The following CSMD1 variants were observed in gnomAD, a reference collection of about 807,000 sequenced individuals.
CSMD1 encodes CUB and sushi domain-containing protein 1.
Under a neutral mutation model 417.5 loss-of-function variants are expected in CSMD1, and 213 were observed. The observed-to-expected ratio is 0.51, with a 90% confidence interval of 0.46 to 0.57. The LOEUF (loss-of-function observed/expected upper bound fraction) is 0.57, where lower values mean the gene tolerates loss of function less well. Ranked by LOEUF, CSMD1 falls within the 20% of genes least tolerant of loss-of-function variation. The pLI is 0.00. For missense variants in CSMD1, 6,923 were observed against 4,529.7 expected (o/e 1.53, Z -15.17); for synonymous variants, 2,862 against 1,736.8 (o/e 1.65, Z -16.11).
At chr8:3,597,154 G>C (rs553354002) in intron 8 of CSMD1, among the ~76,000 whole-genome samples, 1 of 152,154 alleles carries the variant, frequency 6.6e-6, no homozygotes, top group Non-Finnish European at 1.5e-5. Context: ...CAAAATCAGA[G>C]GGAATCAATG....
chr8:4,834,143 A>G (rs1466495047), intron 1 of CSMD1, among the ~76,000 whole-genome samples: 1 of 152,210 alleles, frequency 6.6e-6, no homozygotes. Flanking sequence ...TTAAACACCT[A>G]ATTCATACAG....
intron 5 of CSMD1, among the ~76,000 whole-genome samples, chr8:3,912,103 G>T (rs1428969117): frequency 6.6e-6 from 1 of 152,018 alleles, no homozygotes; most frequent in African/African-American, 2.4e-5. Context: ...AAATATAACA[G>T]CTTGTCCAAT....
chr8:4,228,949 G>C (rs777154541), intron 3 of CSMD1, among the ~76,000 whole-genome samples: 1 of 152,198 alleles, frequency 6.6e-6, no homozygotes, highest in East Asian at 1.9e-4. Context: ...TTACAGGAGT[G>C]AGCCACTGAG....
At chr8:3,495,519 T>A (rs1278521631) in intron 10 of CSMD1, among the ~76,000 whole-genome samples, 1 of 152,204 alleles carries the variant, frequency 6.6e-6, no homozygotes, top group African/African-American at 2.4e-5. Flanking sequence ...TGTCAGTATT[T>A]CATCTCAACA....
At chr8:4,035,534 A>C (rs973156621) in intron 3 of CSMD1, among the ~76,000 whole-genome samples, 5 of 152,132 alleles carry the variant, frequency 3.3e-5, no homozygotes, top group Admixed American at 3.3e-4. Flanking sequence ...ACAAGACGTC[A>C]AGGTGGAAGA....
chr8:3,189,885 G>A (rs1017609716), intron 34 of CSMD1, 27 bp downstream of exon 34: 2 of 1,544,128 alleles, frequency 1.3e-6, no homozygotes, highest in African/African-American at 1.4e-5. Flanking sequence ...GAGTTCTGGC[G>A]GGCAGCCGCT....
chr8:3,253,594 C>T (rs917089246), intron 26 of CSMD1, among the ~76,000 whole-genome samples: 1 of 152,108 alleles, frequency 6.6e-6, no homozygotes, highest in South Asian at 2.1e-4. Context: ...TTTTAACTTC[C>T]TGTCTCATTG....
At chr8:4,479,718 A>T (rs934113603) in intron 2 of CSMD1, among the ~76,000 whole-genome samples, 5 of 151,866 alleles carry the variant, frequency 3.3e-5, no homozygotes, top group African/African-American at 4.8e-5. Context: ...ACATGGTGAA[A>T]CCCCGTCTCT....
At chr8:4,644,273 G>C (rs1240570562) in intron 1 of CSMD1, among the ~76,000 whole-genome samples, 2 of 152,144 alleles carry the variant, frequency 1.3e-5, no homozygotes, top group Non-Finnish European at 2.9e-5. Context: ...TTGAACATGT[G>C]GGTCCAGCTA....
chr8:3,791,545 C>A (rs1363881010), intron 5 of CSMD1, among the ~76,000 whole-genome samples: 4 of 152,162 alleles, frequency 2.6e-5, no homozygotes, highest in African/African-American at 9.7e-5. Context: ...CTTAACAGGC[C>A]GGGCATGGTG....
At chr8:3,294,235 T>TGG (rs35404198) in intron 25 of CSMD1, among the ~76,000 whole-genome samples, 2 of 151,914 alleles carry the variant, frequency 1.3e-5, no homozygotes, top group Non-Finnish European at 2.9e-5. Flanking sequence ...TGGCCCCTAC[T>TGG]GGGGGGTGCC....
At chr8:4,192,341 A>C (rs182789176) in intron 3 of CSMD1, among the ~76,000 whole-genome samples, 1 of 152,298 alleles carries the variant, frequency 6.6e-6, no homozygotes, top group Non-Finnish European at 1.5e-5. Context: ...GAGGAGCTAT[A>C]ATCAGCAGTT....
At chr8:4,733,577 C>G (rs143942667) in intron 1 of CSMD1, among the ~76,000 whole-genome samples, 1 of 152,288 alleles carries the variant, frequency 6.6e-6, no homozygotes, top group African/African-American at 2.4e-5. Context: ...TGGTGTAAGA[C>G]GTTAAATAAC....
At chr8:3,485,766 ATAAAATAAAAT>A (rs1365091271) in intron 11 of CSMD1, among the ~76,000 whole-genome samples, 2 of 6,616 alleles carry the variant, frequency 3.0e-4, no homozygotes, top group Admixed American at 1.8e-3. Context: ...CCTCAAAAAA[ATAAAATAAAAT>A]AAAATAAAAT....
intron 4 of CSMD1, among the ~76,000 whole-genome samples, chr8:4,026,506 G>T (rs1283722913): frequency 6.6e-6 from 1 of 152,250 alleles, no homozygotes. Context: ...GAAAACCACT[G>T]GAGGATATGT....
intron 3 of CSMD1, among the ~76,000 whole-genome samples, chr8:4,122,854 C>G (rs1004618013): frequency 2.6e-5 from 4 of 152,160 alleles, no homozygotes; most frequent in African/African-American, 9.7e-5. Flanking sequence ...AGAACAGAAA[C>G]TTGGTCCACA....
At chr8:4,799,986 A>G (rs758558412) in intron 1 of CSMD1, among the ~76,000 whole-genome samples, 2 of 134,792 alleles carry the variant, frequency 1.5e-5, no homozygotes, top group Non-Finnish European at 3.1e-5. Context: ...TTTTTCTAAC[A>G]TAAGAAAAGT....
intron 48 of CSMD1, among the ~76,000 whole-genome samples, chr8:3,090,661 C>T (rs988200399): frequency 1.3e-5 from 2 of 152,162 alleles, no homozygotes; most frequent in East Asian, 1.9e-4. Context: ...AACAATCCTC[C>T]GTCAGCACAT....
chr8:3,249,029 T>C (rs1800081159), intron 26 of CSMD1, among the ~76,000 whole-genome samples: 1 of 152,152 alleles, frequency 6.6e-6, no homozygotes, highest in African/African-American at 2.4e-5. Context: ...TCCTGCTCGT[T>C]GATAAACCAA....
Sources: gnomAD v4.1 joint callset for allele counts (sites outside exome capture counted in the v4.1 genomes callset) on GRCh38, gnomAD v4.1.1 for gene constraint, MANE v1.5 for transcripts, NCBI Gene and HGNC (gene_info 2026-07-23, HGNC 2026-07-21) for gene names.